UNC5D: variants seen among roughly 807,000 people sequenced by gnomAD.
The protein encoded by UNC5D is netrin receptor UNC5D.
Under a neutral mutation model 105.4 loss-of-function variants are expected in UNC5D, and 39 were observed. The ratio of observed to expected loss-of-function variants is 0.37; its 90% CI spans 0.29 to 0.48. The LOEUF is 0.48. UNC5D is among the 20% of genes least tolerant of loss of function. The pLI is 0.98. For synonymous variants in UNC5D, 452 were observed against 450.4 expected (o/e 1.00, Z -0.04); for missense variants, 991 against 1,202.4 (o/e 0.82, Z 2.60).
chr8:35,354,020 A>G (rs751626780), intron 1 of UNC5D, among the ~76,000 whole-genome samples: 47 of 152,150 alleles, frequency 3.1e-4, no homozygotes, highest in Non-Finnish European at 3.1e-4. Flanking sequence ...CTTGAAAATG[A>G]ATGAAACATA....
chr8:35,547,530 C>T (rs1243415007), intron 1 of UNC5D, among the ~76,000 whole-genome samples: 1 of 152,186 alleles, frequency 6.6e-6, no homozygotes, highest in Non-Finnish European at 1.5e-5. Context: ...AATTCCTGAC[C>T]TCAAGTGATC....
chr8:35,533,580 TC>T (rs1814578817), intron 1 of UNC5D, among the ~76,000 whole-genome samples: 1 of 152,190 alleles, frequency 6.6e-6, no homozygotes, highest in Non-Finnish European at 1.5e-5. Flanking sequence ...TCCACCCAAT[TC>T]GAGCTTCCTG....
rs531492530 is a variant in UNC5D, at chr8:35,424,814, A to C, written c.104-124478A>C. Among the ~76,000 whole-genome samples, 4 of 152,306 alleles carry C rather than the reference A, an allele frequency of 2.6e-5. No individual in the cohort carries two copies. In the East Asian group the frequency reaches 7.7e-4, roughly 29 times the overall value. Reference sequence around the variant, plus strand: ...AATTCAAGCTGCTCTGCTCTTCAGGAGGTAACTCAGTATGTAACGTATTTA... The same window carrying C: ...AATTCAAGCTGCTCTGCTCTTCAGGCGGTAACTCAGTATGTAACGTATTTA... On this transcript the variant is annotated intron_variant, in intron 1 of 16. Transcript: ENST00000404895.
At chr8:35,463,517 A>C (rs1171829721) in intron 1 of UNC5D, among the ~76,000 whole-genome samples, 1 of 152,106 alleles carries the variant, frequency 6.6e-6, no homozygotes, top group Non-Finnish European at 1.5e-5. Flanking sequence ...GTTTCATCTA[A>C]AATGATAAGA....
Position 35,595,676 on chromosome 8 carries a change from A to C in UNC5D, c.570+19A>C. The C allele has an allele frequency of 6.2e-7, 1 of 1,610,944 alleles. No homozygotes were observed. The highest frequency in any genetic ancestry group is 8.5e-7 in the Non-Finnish European group (1 of 1,177,460). ...TGCCGAGGTAAGACAGGATCCTGGG[A>C]CCAGTCACCGGGAGGAACCAGGCCT... On this transcript the variant is annotated intron_variant, in intron 4 of 16. Transcript: ENST00000404895.
At chr8:35,652,619 T>TC (rs1823489717) in intron 4 of UNC5D, among the ~76,000 whole-genome samples, 2 of 152,208 alleles carry the variant, frequency 1.3e-5, no homozygotes, top group East Asian at 3.9e-4. Context: ...TTTTTTTTTT[T>TC]CATTTTGTTA....
In UNC5D at chr8:35,791,572, A is replaced by T; in HGVS notation, c.*1009A>T. The T allele has an allele frequency of 6.6e-6, 1 of 152,170 alleles. No homozygotes were observed. The highest frequency in any genetic ancestry group is 3.2e-3 in the Middle Eastern group (1 of 316). The allele number at this position is 152,170 out of a possible 1,614,324, so 9.4% of individuals were successfully genotyped here. A position where few individuals can be genotyped will look rare whatever the true frequency, so the allele number is the denominator to read the frequency against. On this transcript the variant is annotated 3_prime_UTR_variant, in exon 17 of 17. Coordinates refer to ENST00000404895, the MANE Select transcript of UNC5D (RefSeq NM_080872.4). Reference sequence around the variant, plus strand: ...TGCATTTTTCAATCCAGATTCTTGAAATTGTCTAACATGTGGGTACTGTGT... The same window carrying T: ...TGCATTTTTCAATCCAGATTCTTGATATTGTCTAACATGTGGGTACTGTGT...
At chr8:35,614,972 G>T (rs893941814) in intron 4 of UNC5D, among the ~76,000 whole-genome samples, 14 of 148,996 alleles carry the variant, frequency 9.4e-5, no homozygotes, top group Non-Finnish European at 1.5e-4. Flanking sequence ...TGCTTTGAAA[G>T]GCCAAAGCAA....
chr8:35,447,305 A>C (rs1425717050), intron 1 of UNC5D, among the ~76,000 whole-genome samples: 1 of 152,102 alleles, frequency 6.6e-6, no homozygotes, highest in Non-Finnish European at 1.5e-5. Context: ...TTTATTTATA[A>C]GGCATATAGC....
intron 4 of UNC5D, among the ~76,000 whole-genome samples, chr8:35,609,190 G>A (rs1306734530): frequency 6.6e-6 from 1 of 151,810 alleles, no homozygotes; most frequent in Non-Finnish European, 1.5e-5. Context: ...ATGTTTCTTG[G>A]CCATTTGTAT....
At chr8:35,569,477 G>A (rs1817581746) in intron 3 of UNC5D, among the ~76,000 whole-genome samples, 1 of 152,198 alleles carries the variant, frequency 6.6e-6, no homozygotes, top group Non-Finnish European at 1.5e-5. Flanking sequence ...CAGGGGGAAT[G>A]AAATCTTCCT....
intron 1 of UNC5D, among the ~76,000 whole-genome samples, chr8:35,483,721 C>CT (rs1289449524): frequency 6.6e-6 from 1 of 152,106 alleles, no homozygotes; most frequent in Non-Finnish European, 1.5e-5. Context: ...AATTGAAGGG[C>CT]TTTTTTCTAC....
intron 1 of UNC5D, among the ~76,000 whole-genome samples, chr8:35,335,400 T>C (rs1810949835): frequency 2.0e-5 from 3 of 152,202 alleles, no homozygotes; most frequent in Admixed American, 6.5e-5. Flanking sequence ...TTTAACCTCT[T>C]AGATAATGCC....
chr8:35,545,683 C>T (rs960763489), intron 1 of UNC5D, among the ~76,000 whole-genome samples: 3 of 152,032 alleles, frequency 2.0e-5, no homozygotes, highest in African/African-American at 7.2e-5. Flanking sequence ...TTTCACCTAC[C>T]TCATTTTTTA....
At chr8:35,731,833 G>C (rs990057284) in intron 11 of UNC5D, among the ~76,000 whole-genome samples, 8 of 152,154 alleles carry the variant, frequency 5.3e-5, no homozygotes, top group Admixed American at 4.6e-4. Flanking sequence ...CAATTTCTTA[G>C]GCAATTTTAG....
chr8:35,329,988 T>C (rs1039452392), intron 1 of UNC5D, among the ~76,000 whole-genome samples: 23 of 152,172 alleles, frequency 1.5e-4, no homozygotes, highest in Non-Finnish European at 2.9e-4. Flanking sequence ...TATTTAATCC[T>C]CACAATGACC....
chr8:35,484,824 T>A (rs1334925508), intron 1 of UNC5D, among the ~76,000 whole-genome samples: 1 of 152,198 alleles, frequency 6.6e-6, no homozygotes, highest in African/African-American at 2.4e-5. Context: ...CCTTTGGAGA[T>A]GGCATTGTTA....
At chr8:35,609,790 C>T (rs1232208410) in intron 4 of UNC5D, among the ~76,000 whole-genome samples, 2 of 152,164 alleles carry the variant, frequency 1.3e-5, no homozygotes, top group African/African-American at 4.8e-5. Context: ...TTCTGCCCAC[C>T]TCCTGTGGGG....
chr8:35,288,744 T>G (rs1806807646), intron 1 of UNC5D, among the ~76,000 whole-genome samples: 4 of 152,196 alleles, frequency 2.6e-5, no homozygotes, highest in Admixed American at 2.6e-4. Context: ...GTGTAGTTTT[T>G]ATATGCATGT....
Sources: allele counts gnomAD v4.1 joint callset (sites outside exome capture counted in the v4.1 genomes callset), GRCh38; gene constraint gnomAD v4.1.1; transcripts MANE v1.5; gene names NCBI Gene and HGNC (gene_info 2026-07-23, HGNC 2026-07-21).